The following PAPPA2 variants were observed in gnomAD, a reference collection of about 807,000 sequenced individuals.
PAPPA2 encodes pappalysin-2.
In PAPPA2, 86 loss-of-function variants were observed where a neutral mutation model predicts 176.4. The ratio of observed to expected loss-of-function variants is 0.49; its 90% CI spans 0.41 to 0.58. The LOEUF (loss-of-function observed/expected upper bound fraction) is 0.58, where lower values mean the gene tolerates loss of function less well. PAPPA2 is among the 20% of genes least tolerant of loss of function. The pLI is 0.00. For synonymous variants in PAPPA2, 809 were observed against 852.2 expected (o/e 0.95, Z 0.88); for missense variants, 2,073 against 2,256.9 (o/e 0.92, Z 1.65).
chr1:176,650,353 T>C (rs1011747844), intron 3 of PAPPA2, among the ~76,000 whole-genome samples: 4 of 150,212 alleles, frequency 2.7e-5, no homozygotes, highest in Non-Finnish European at 3.0e-5. Flanking sequence ...CTGTATGTCT[T>C]TTTTTTTTCC....
At chr1:176,669,621 A>G (rs1412479552) in intron 3 of PAPPA2, among the ~76,000 whole-genome samples, 1 of 152,180 alleles carries the variant, frequency 6.6e-6, no homozygotes, top group South Asian at 2.1e-4. Context: ...AAGATATTAT[A>G]AGTCAGTAAA....
chr1:176,787,085 G>GA (rs760917217), intron 17 of PAPPA2, among the ~76,000 whole-genome samples: 29 of 150,358 alleles, frequency 1.9e-4, no homozygotes, highest in East Asian at 3.9e-4. Context: ...AAGTTGGAAA[G>GA]AAAAAAAAAG....
At chr1:176,634,791 C>T (rs1240027298) in intron 3 of PAPPA2, among the ~76,000 whole-genome samples, 2 of 137,322 alleles carry the variant, frequency 1.5e-5, no homozygotes, top group Non-Finnish European at 3.1e-5. Flanking sequence ...TTAAAATTTC[C>T]AAGGAGAGAG....
chr1:176,791,386 G>A lies in PAPPA2; in HGVS notation c.4924G>A (p.Glu1642Lys). 6.2e-7 allele frequency: 1 copy of A among 1,611,848 alleles called. No homozygotes were observed. The highest frequency in any genetic ancestry group is 8.5e-7 in the Non-Finnish European group (1 of 1,178,172). ...CACTAAAGAGGGCCTGTGGACCCAG[G>A]AGTTTAAGTTGTGTGAGAATCTGCA... Reference protein sequence around the residue: ...LCTKEGLWTQEFKLCENLQGE... With the variant: ...LCTKEGLWTQKFKLCENLQGE... Residue 1642 changes from glutamate (E) to lysine (K), a missense_variant, in exon 19 of 23, where the codon GAG becomes AAG. This residue lies in a region of PAPPA2 where 846 missense variants were observed against 857.9 expected (regional missense o/e 0.99). Transcript: ENST00000367662.
chr1:176,542,864 G>T (rs1050196058), intron 1 of PAPPA2, among the ~76,000 whole-genome samples: 6 of 152,140 alleles, frequency 3.9e-5, no homozygotes, highest in African/African-American at 1.4e-4. Context: ...CATGAACCAC[G>T]TTTCATCAGT....
chr1:176,724,940 G>A (rs1262130560), intron 12 of PAPPA2, among the ~76,000 whole-genome samples: 1 of 152,026 alleles, frequency 6.6e-6, no homozygotes, highest in Middle Eastern at 3.2e-3. Flanking sequence ...GCTACAGATA[G>A]GATTAAAATT....
chr1:176,773,547 A>C (rs950207387), intron 17 of PAPPA2, among the ~76,000 whole-genome samples: 1 of 152,208 alleles, frequency 6.6e-6, no homozygotes, highest in African/African-American at 2.4e-5. Context: ...GTTATATTTG[A>C]AACTTGCTGG....
intron 1 of PAPPA2, among the ~76,000 whole-genome samples, chr1:176,508,163 G>T (rs1003061018): frequency 2.0e-5 from 3 of 152,126 alleles, no homozygotes; most frequent in African/African-American, 7.2e-5. Context: ...AGAACAAAGT[G>T]TAGCACTCTT....
intron 21 of PAPPA2, among the ~76,000 whole-genome samples, chr1:176,813,327 A>C (rs916486968): frequency 6.6e-6 from 1 of 152,176 alleles, no homozygotes; most frequent in Admixed American, 6.6e-5. Context: ...ATTGGGTCAA[A>C]TGGTATTTCT....
chr1:176,672,585 A>G (rs1276135022), intron 4 of PAPPA2, among the ~76,000 whole-genome samples: 1 of 152,256 alleles, frequency 6.6e-6, no homozygotes. Flanking sequence ...CAAAAAAAAA[A>G]AGAAAAGATT....
intron 15 of PAPPA2, among the ~76,000 whole-genome samples, chr1:176,766,172 ACTG>A (rs1303356246): frequency 6.6e-6 from 1 of 152,212 alleles, no homozygotes; most frequent in African/African-American, 2.4e-5. Context: ...TTCAGGAAAG[ACTG>A]GTTGTAATCA....
At chr1:176,710,688 G>T (rs1661104596) in intron 11 of PAPPA2, among the ~76,000 whole-genome samples, 1 of 152,224 alleles carries the variant, frequency 6.6e-6, no homozygotes, top group South Asian at 2.1e-4. Context: ...TATTCTAGAT[G>T]CTTTTATTGT....
chr1:176,607,551 G>T (rs1335384202), intron 3 of PAPPA2, among the ~76,000 whole-genome samples: 1 of 152,046 alleles, frequency 6.6e-6, no homozygotes, highest in African/African-American at 2.4e-5. Flanking sequence ...ATTCCTTTTT[G>T]TGGCTGAATA....
chr1:176,769,923 A>G, intron 16 of PAPPA2, 139 bp downstream of exon 16: 3 of 914,682 alleles, frequency 3.3e-6, no homozygotes, highest in Non-Finnish European at 4.8e-6. Context: ...AACTCCAGAA[A>G]AGTCCCAAAA....
At chr1:176,842,310 T>C in intron 22 of PAPPA2, 70 bp from the exon 23 acceptor site, 1 of 1,415,582 alleles carries the variant, frequency 7.1e-7, no homozygotes, top group Admixed American at 1.7e-5. Context: ...GTGAGGAAAG[T>C]GAAAGCTCGT....
intron 3 of PAPPA2, among the ~76,000 whole-genome samples, chr1:176,664,565 T>C (rs1658525673): frequency 6.6e-6 from 1 of 152,196 alleles, no homozygotes; most frequent in Non-Finnish European, 1.5e-5. Context: ...ACAGTCCTTT[T>C]TGCCATGTAA....
chr1:176,798,727 T>C (rs1377730461), intron 20 of PAPPA2, among the ~76,000 whole-genome samples: 2 of 152,244 alleles, frequency 1.3e-5, no homozygotes, highest in African/African-American at 2.4e-5. Context: ...TTCAGTAGGC[T>C]GAACACCCCT....
intron 21 of PAPPA2, among the ~76,000 whole-genome samples, chr1:176,819,008 C>T (rs1666522403): frequency 6.6e-6 from 1 of 152,126 alleles, no homozygotes; most frequent in African/African-American, 2.4e-5. Flanking sequence ...GTCTGTTTTC[C>T]CCATTGGAAT....
intron 3 of PAPPA2, among the ~76,000 whole-genome samples, chr1:176,598,666 A>G (rs1425200534): frequency 6.6e-6 from 1 of 152,106 alleles, no homozygotes; most frequent in Non-Finnish European, 1.5e-5. Context: ...TATTTATGAA[A>G]ATGTTCCCCT....
Sources: gnomAD v4.1 joint callset for allele counts (sites outside exome capture counted in the v4.1 genomes callset) on GRCh38, gnomAD v4.1.1 for gene constraint, gnomAD v4.1.1 regional missense constraint, MANE v1.5 for transcripts, NCBI Gene and HGNC (gene_info 2026-07-23, HGNC 2026-07-21) for gene names.